ESYT1: variants seen among roughly 807,000 people sequenced by gnomAD.
ESYT1 encodes extended synaptotagmin-1.
A neutral mutation model predicts 154.2 loss-of-function variants in ESYT1; 116 were observed. That is an observed-to-expected ratio of 0.75 (90% CI 0.65 to 0.88). The LOEUF is 0.88. Ranked by LOEUF, ESYT1 falls within the 40% of genes least tolerant of loss-of-function variation. The pLI is 0.00. For synonymous variants in ESYT1, 500 were observed against 539.9 expected (o/e 0.93, Z 1.02); for missense variants, 1,264 against 1,379.3 (o/e 0.92, Z 1.32).
intron 2 of ESYT1, 36 bp downstream of exon 2, chr12:56,130,659 G>T (rs779483204): frequency 6.2e-7 from 1 of 1,613,970 alleles, no homozygotes; most frequent in Non-Finnish European, 8.5e-7. Flanking sequence ...TTCATGAGGG[G>T]AGAATGGGAA....
intron 24 of ESYT1, among the ~76,000 whole-genome samples, chr12:56,140,492 T>C (rs1389144084): frequency 6.6e-6 from 1 of 151,948 alleles, no homozygotes; most frequent in African/African-American, 2.4e-5. Flanking sequence ...GCCTCCCGAG[T>C]AGATGGGATT....
At position 56,137,883 on chromosome 12, in the gene ESYT1, A is replaced by G. The variant is rs1870528756; in HGVS notation, c.2167A>G (p.Lys723Glu). The change falls in exon 19 of 31, where the codon AAG (lysine) becomes GAG (glutamate). Residue 723 changes from lysine to glutamate, a missense_variant. Coordinates refer to ENST00000394048, the MANE Select transcript of ESYT1 (RefSeq NM_015292.3). ...GQELEVEVFD[K>E]DLDKDDFLGR... ...AGAGCTAGAGGTTGAAGTCTTTGAC[A>G]AGGACTTGGACAAGGATGATTTTCT... The G allele has an allele frequency of 2.5e-6, 4 of 1,614,218 alleles. No individual in the cohort carries two copies. The highest frequency in any genetic ancestry group is 3.3e-5 in the Admixed American group (2 of 60,030).
rs376443049 is a variant in ESYT1 at position 56,137,485 on chromosome 12, C to T, written c.1939-14C>T. The T allele has an allele frequency of 4.5e-5, 73 of 1,609,676 alleles. No homozygotes were observed. In the East Asian group the frequency reaches 8.5e-4, roughly 19 times the overall value. On this transcript the variant is annotated splice_polypyrimidine_tract_variant and intron_variant, in intron 17 of 30. Transcript: ENST00000394048. ...CTCCCTTTGCCATCTGGCACCCCCC[C>T]GTCCCTTTTGCAGCATGTGCTTCGG...
At chr12:56,135,814 G>A (rs891114792) in intron 15 of ESYT1, among the ~76,000 whole-genome samples, 1 of 151,360 alleles carries the variant, frequency 6.6e-6, no homozygotes, top group African/African-American at 2.4e-5. Context: ...GCTTGAGTCC[G>A]GGAGGCGGAG....
chr12:56,143,508 C>CA (rs2034153779), intron 29 of ESYT1, 72 bp from the exon 30 acceptor site: 1 of 1,585,042 alleles, frequency 6.3e-7, no homozygotes, highest in Admixed American at 1.7e-5. Flanking sequence ...TTCAAAACAG[C>CA]ATCATCAGAA....
At chr12:56,140,488 C>T (rs779328601) in intron 24 of ESYT1, among the ~76,000 whole-genome samples, 5 of 152,038 alleles carry the variant, frequency 3.3e-5, no homozygotes, top group African/African-American at 4.8e-5. Flanking sequence ...CTCAGCCTCC[C>T]GAGTAGATGG....
In ESYT1 at chr12:56,144,116, A is replaced by C; in HGVS notation, c.*254A>C. Reference sequence around the variant, plus strand: ...GCTGGCTGTTTCCTGCTTTGCCTGCACATTGTTCTCCCTTCCTCCCAACTC... The same window carrying C: ...GCTGGCTGTTTCCTGCTTTGCCTGCCCATTGTTCTCCCTTCCTCCCAACTC... On this transcript the variant is annotated 3_prime_UTR_variant, in exon 31 of 31. Coordinates refer to ENST00000394048, the MANE Select transcript of ESYT1 (RefSeq NM_015292.3). The C allele has an allele frequency of 7.1e-7, 1 of 1,409,696 alleles. No homozygotes were observed. The highest frequency in any genetic ancestry group is 9.2e-7 in the Non-Finnish European group (1 of 1,084,308). 87.3% of individuals were successfully genotyped at this position (1,409,696 alleles called of 1,614,324 possible). A position where few individuals can be genotyped will look rare whatever the true frequency, so the allele number is the denominator to read the frequency against.
At chr12:56,131,715 A>T (rs747344558) in intron 6 of ESYT1, 34 bp from the exon 7 acceptor site, 9 of 1,613,822 alleles carry the variant, frequency 5.6e-6, no homozygotes, top group Non-Finnish European at 7.6e-6. Flanking sequence ...CACACCCCAT[A>T]GGATCTGTCC....
At position 56,137,486 on chromosome 12, in the gene ESYT1, G is replaced by A. The variant is rs777980586; in HGVS notation, c.1939-13G>A. ...TCCCTTTGCCATCTGGCACCCCCCC[G>A]TCCCTTTTGCAGCATGTGCTTCGGA... On this transcript the variant is annotated splice_polypyrimidine_tract_variant and intron_variant, in intron 17 of 30. Coordinates refer to ENST00000394048, the MANE Select transcript of ESYT1 (RefSeq NM_015292.3). 13 of 1,609,670 alleles carry A rather than the reference G, an allele frequency of 8.1e-6. No homozygotes were observed. The highest frequency in any genetic ancestry group is 2.2e-5 in the South Asian group (2 of 90,788).
At position 56,128,366 on chromosome 12, in the gene ESYT1, A is replaced by G; in HGVS notation, c.47A>G (p.Gln16Arg). ...GEGPSPSPMDQPSAPSDPTDQ... is the reference protein window; with the variant it reads ...GEGPSPSPMDRPSAPSDPTDQ... ...GGCCCCAGCCCCAGCCCCATGGACC[A>G]GCCCTCTGCTCCCTCCGACCCCACT... is the stretch of plus-strand genomic sequence containing the variant. The change falls in exon 1 of 31, where the codon CAG becomes CGG. Residue 16 changes from glutamine (Q) to arginine (R), a missense_variant. Gln to Arg is a conservative substitution (Grantham distance 43, BLOSUM62 1). Transcript: ENST00000394048. 6.2e-7 allele frequency: 1 copy of G among 1,612,608 alleles called. No individual in the cohort carries two copies. The highest frequency in any genetic ancestry group is 8.5e-7 in the Non-Finnish European group (1 of 1,179,468).
chr12:56,129,638 G>A (rs139963314), intron 1 of ESYT1: 26 of 152,442 alleles, frequency 1.7e-4, no homozygotes, highest in African/African-American at 5.5e-4. Context: ...AATGGCTCTA[G>A]GGGACCTGTA....
At chr12:56,134,233 A>C in intron 14 of ESYT1, 52 bp downstream of exon 14, 1 of 1,603,428 alleles carries the variant, frequency 6.2e-7, no homozygotes, top group Non-Finnish European at 8.5e-7. Flanking sequence ...GGAGAGGCCT[A>C]TTCTTGGGAT....
rs1366468511 is a variant in ESYT1, at chr12:56,143,012, T to C, written c.2988-5T>C. 1.9e-6 allele frequency: 3 copies of C among 1,614,214 alleles called. No homozygotes were observed. Among genetic ancestry groups the C allele is most frequent in the African/African-American group, 2.7e-5 (2 of 75,058 alleles). On this transcript the variant is annotated splice_polypyrimidine_tract_variant and splice_region_variant and intron_variant, in intron 27 of 30. Transcript: ENST00000394048. ...TACCATATCACCTACATCCTCCTGTTGTAGGTCCCTTCGACAGAATGGACG... is the reference window on the plus strand; with the variant it reads ...TACCATATCACCTACATCCTCCTGTCGTAGGTCCCTTCGACAGAATGGACG...
Position 56,143,569 on chromosome 12 carries a change from T to G in ESYT1, c.3226-11T>G. ...GAAATAACATCTTTCCCCTATCATC[T>G]TCCAACACAGGTGCAGCTGGACCTA... On this transcript the variant is annotated splice_polypyrimidine_tract_variant and intron_variant, in intron 29 of 30. Coordinates refer to ENST00000394048, the MANE Select transcript of ESYT1 (RefSeq NM_015292.3). 1 of 1,614,124 alleles carries G rather than the reference T, an allele frequency of 6.2e-7. No individual in the cohort carries two copies. The highest frequency in any genetic ancestry group is 8.5e-7 in the Non-Finnish European group (1 of 1,180,006).
At position 56,131,561 on chromosome 12, in the gene ESYT1, C is replaced by T. The variant is rs761647672; in HGVS notation, c.799C>T (p.Arg267Cys). Reference sequence around the variant, plus strand: ...GGCTGTGTCAATGTTCTTCATCCGACGCCCGGTAAGGGAAAACAATGAAGG... The same window carrying T: ...GGCTGTGTCAATGTTCTTCATCCGATGCCCGGTAAGGGAAAACAATGAAGG... Reference protein sequence around the residue: ...VGAVSMFFIRRPTLDINWTGM... With the variant: ...VGAVSMFFIRCPTLDINWTGM... Residue 267 changes from arginine to cysteine, a missense_variant, in exon 6 of 31, where the codon CGC becomes TGC. Transcript: ENST00000394048. 43 of 1,613,798 alleles carry T rather than the reference C, an allele frequency of 2.7e-5. No individual in the cohort carries two copies. The Middle Eastern group carries it at 5.0e-4, about 19-fold the overall frequency.
At chr12:56,139,833 C>G (rs10129008) in intron 24 of ESYT1, among the ~76,000 whole-genome samples, 2,370 of 151,948 alleles carry the variant, frequency 0.016, 66 homozygotes, top group African/African-American at 0.053. Flanking sequence ...GGTTATCCAT[C>G]CACCTCAGCC....
intron 15 of ESYT1, among the ~76,000 whole-genome samples, chr12:56,135,335 A>AT (rs898549013): frequency 6.7e-6 from 1 of 149,940 alleles, no homozygotes; most frequent in Admixed American, 6.6e-5. Context: ...TGCCTGGCTA[A>AT]TTTTTTTTGT....
Position 56,138,760 on chromosome 12 carries a change from C to T in ESYT1, c.2434-8C>T. 6.2e-7 allele frequency: 1 copy of T among 1,613,906 alleles called. No homozygotes were observed. The highest frequency in any genetic ancestry group is 1.6e-4 in the Middle Eastern group (1 of 6,062). ...AAATTTAAGACTAACACAGTATTGT[C>T]TTTCTAGCTGCGAAAAGGCACCAAG... On this transcript the variant is annotated splice_region_variant and splice_polypyrimidine_tract_variant and intron_variant, in intron 22 of 30. Coordinates refer to ENST00000394048, the MANE Select transcript of ESYT1 (RefSeq NM_015292.3).
intron 10 of ESYT1, 69 bp from the exon 11 acceptor site, chr12:56,133,348 C>A: frequency 6.3e-7 from 1 of 1,582,712 alleles, no homozygotes; most frequent in Non-Finnish European, 8.7e-7. Flanking sequence ...TGGAGGGCCA[C>A]TGACATGCTG....
Sources: allele counts gnomAD v4.1 joint callset (sites outside exome capture counted in the v4.1 genomes callset), GRCh38; gene constraint gnomAD v4.1.1; transcripts MANE v1.5; gene names NCBI Gene and HGNC (gene_info 2026-07-23, HGNC 2026-07-21).